The following PPIL1 variants were observed in gnomAD, a reference collection of about 807,000 sequenced individuals.
PPIL1 encodes the protein peptidyl-prolyl cis-trans isomerase-like 1.
In PPIL1, 14 loss-of-function variants were observed where a neutral mutation model predicts 19.4. The ratio of observed to expected loss-of-function variants is 0.72; its 90% confidence interval spans 0.48 to 1.13. PPIL1 has a LOEUF of 1.13. PPIL1 is among the 50% of genes most tolerant of loss of function. The pLI, the probability that PPIL1 is intolerant of heterozygous loss-of-function variation, is 0.00. For missense variants in PPIL1, 192 were observed against 218.0 expected, an observed-to-expected ratio of 0.88 and a Z score of 0.75; for synonymous variants, 72 against 73.6, an observed-to-expected ratio of 0.98 and a Z score of 0.11.
Position 36,855,442 on chromosome 6 carries a change from T to C in PPIL1, c.*371A>G, listed in dbSNP as rs995547757. ...TCAAGGACTGCTGTGTAGGCCAGAA[T>C]ATAAATCTCCTTAGGAAGAAGTTTG... On this transcript the variant is annotated 3_prime_UTR_variant, in exon 4 of 4. Transcript: ENST00000373699. 1.4e-5 allele frequency: 4 copies of C among 295,314 alleles called. No individual in the cohort carries two copies. Among genetic ancestry groups the C allele is most frequent in the African/African-American group, 2.2e-5 (1 of 46,300 alleles). 18.3% of individuals were successfully genotyped at this position (295,314 alleles called of 1,614,324 possible). A position where few individuals can be genotyped will look rare whatever the true frequency, so the allele number is the denominator to read the frequency against.
At chr6:36,872,839 G>C (rs1181707696) in intron 1 of PPIL1, among the ~76,000 whole-genome samples, 1 of 152,026 alleles carries the variant, frequency 6.6e-6, no homozygotes, top group African/African-American at 2.4e-5. Flanking sequence ...TGAACTCCTG[G>C]GCTCAAGCAA....
rs1188109475 is a variant in PPIL1, at chr6:36,874,788, G to T, written c.-16C>A. On this transcript the variant is annotated 5_prime_UTR_variant, in exon 1 of 4. Transcript: ENST00000373699. ...TTGCCGCCATAGCGAAGCCGGCGGC[G>T]GAATGCTTGTCTAGTAATTGCTACT... The T allele has an allele frequency of 2.1e-5, 34 of 1,613,804 alleles. No individual in the cohort carries two copies. The highest frequency in any genetic ancestry group is 2.9e-5 in the Non-Finnish European group (34 of 1,179,830).
chr6:36,855,630 G>A lies in PPIL1; in HGVS notation c.*183C>T, dbSNP rs922389297. The A allele has an allele frequency of 1.7e-5, 11 of 628,620 alleles. No homozygotes were observed. Among genetic ancestry groups the A allele is most frequent in the Non-Finnish European group, 3.0e-5 (11 of 362,436 alleles). The allele number at this position is 628,620 out of a possible 1,614,324, so 38.9% of individuals were successfully genotyped here. On this transcript the variant is annotated 3_prime_UTR_variant, in exon 4 of 4. Coordinates refer to ENST00000373699, the MANE Select transcript of PPIL1 (RefSeq NM_016059.5). ...ATGCTCTGGCAACCTAGGCACTGGG[G>A]GAAGAGAAAAGAAGCATCCTATTAA...
chr6:36,856,524 G>T, intron 3 of PPIL1, 62 bp downstream of exon 3: 1 of 1,473,740 alleles, frequency 6.8e-7, no homozygotes, highest in Non-Finnish European at 9.5e-7. Context: ...TTGAATCATG[G>T]CCAAAAGAGT....
intron 1 of PPIL1, 97 bp downstream of exon 1, chr6:36,874,620 G>C: frequency 1.3e-6 from 2 of 1,500,206 alleles, no homozygotes; most frequent in African/African-American, 1.4e-5. Flanking sequence ...CCACGTGGAG[G>C]CCGGCCTCCC....
chr6:36,873,867 G>T (rs1029864679), intron 1 of PPIL1, among the ~76,000 whole-genome samples: 2 of 152,196 alleles, frequency 1.3e-5, no homozygotes. Flanking sequence ...AAATCACCTT[G>T]AATGTCAGGA....
chr6:36,874,208 G>A (rs1273200293), intron 1 of PPIL1, among the ~76,000 whole-genome samples: 3 of 152,196 alleles, frequency 2.0e-5, no homozygotes, highest in Non-Finnish European at 2.9e-5. Context: ...GACATACAGC[G>A]GGGCATGGCG....
chr6:36,861,980 G>C, intron 2 of PPIL1, among the ~76,000 whole-genome samples: 1 of 152,134 alleles, frequency 6.6e-6, no homozygotes, highest in East Asian at 1.9e-4. Context: ...ACAGGTGTGA[G>C]CCACTGTGCC....
At chr6:36,874,651 C>G (rs2303993) in intron 1 of PPIL1, 66 bp downstream of exon 1, 855,359 of 1,579,856 alleles carry the variant, frequency 0.54, 234,097 homozygotes, top group East Asian at 0.65. Flanking sequence ...GCCAGGAACG[C>G]AGACCCGTGG....
chr6:36,874,601 CA>C, intron 1 of PPIL1, 115 bp downstream of exon 1: 1 of 1,383,224 alleles, frequency 7.2e-7, no homozygotes, highest in South Asian at 1.2e-5. Flanking sequence ...GCCGCTGCTC[CA>C]CGCCCCTCCA....
At chr6:36,867,014 T>A (rs1029840591) in intron 2 of PPIL1, among the ~76,000 whole-genome samples, 2 of 152,120 alleles carry the variant, frequency 1.3e-5, no homozygotes, top group Non-Finnish European at 2.9e-5. Context: ...AGCATGCAGT[T>A]TATATAGCAT....
intron 2 of PPIL1, among the ~76,000 whole-genome samples, chr6:36,867,735 T>C (rs13200132): frequency 0.039 from 5,930 of 152,258 alleles, 155 homozygotes; most frequent in Non-Finnish European, 0.061. Flanking sequence ...TCTGGGAAGA[T>C]AGAACAGAGG....
intron 2 of PPIL1, among the ~76,000 whole-genome samples, chr6:36,857,297 A>G (rs1774187514): frequency 6.6e-6 from 1 of 152,214 alleles, no homozygotes; most frequent in Admixed American, 6.5e-5. Flanking sequence ...GTAAGTGGCA[A>G]TGTGGCAGAA....
intron 2 of PPIL1, among the ~76,000 whole-genome samples, chr6:36,859,424 C>CAAAAAA (rs36097489): frequency 1.4e-5 from 1 of 73,208 alleles, no homozygotes; most frequent in Non-Finnish European, 2.5e-5. Context: ...GACCCTGTCT[C>CAAAAAA]AAAAAAAAAA....
intron 2 of PPIL1, among the ~76,000 whole-genome samples, chr6:36,862,181 C>G (rs1583110655): frequency 6.6e-6 from 1 of 151,858 alleles, no homozygotes; most frequent in African/African-American, 2.4e-5. Flanking sequence ...CCCTCCCACC[C>G]CACAGTTGAT....
chr6:36,855,867 G>C lies in PPIL1; in HGVS notation c.447C>G (p.Ser149=), dbSNP rs746502761. 2.5e-6 allele frequency: 4 copies of C among 1,614,116 alleles called. No homozygotes were observed. The highest frequency in any genetic ancestry group is 1.6e-4 in the Middle Eastern group (1 of 6,062). Residue 149 remains serine, a synonymous_variant, in exon 4 of 4, where the codon TCC becomes TCG. Transcript: ENST00000373699. ...VNRVGMVETN[S]QDRPVDDVKI... is the part of the protein sequence containing the mutation. ...TCACGTCGTCCACAGGGCGGTCCTG[G>C]GAGTTTGTTTCTACCATTCCCACGC...
chr6:36,856,632 A>G lies in PPIL1; in HGVS notation c.234T>C (p.Tyr78=). 1 of 1,614,228 alleles carries G rather than the reference A, an allele frequency of 6.2e-7. No individual in the cohort carries two copies. The highest frequency in any genetic ancestry group is 2.2e-5 in the East Asian group (1 of 44,890). ...GAAGTTCATCTTCAAACTGTTTGCC[A>G]TAGATAGATGCACCACCTCGACCTG... ...TGTGRGGASI[Y]GKQFEDELHP... The change falls in exon 3 of 4, where the codon TAT becomes TAC. Residue 78 remains tyrosine, a synonymous_variant. Transcript: ENST00000373699.
chr6:36,864,382 G>GCCC (rs1774354368), intron 2 of PPIL1, among the ~76,000 whole-genome samples: 1 of 152,072 alleles, frequency 6.6e-6, no homozygotes, highest in South Asian at 2.1e-4. Context: ...AGCTACACTG[G>GCCC]CCCCTGTGCT....
At position 36,873,813 on chromosome 6, in the gene PPIL1, GC is replaced by G. The variant is rs770069475; in HGVS notation, c.56+903del. Among the ~76,000 whole-genome samples the G allele has an allele frequency of 6.4e-4, 97 of 152,282 alleles. 1 individual carries two copies. Among genetic ancestry groups the G allele is most frequent in the Non-Finnish European group, 1.3e-3 (86 of 68,016 alleles). ...GGCAGAGGACCTTGGCTGGTCCCTG[GC>G]TGTTGAGGGGAGAATGGCAGGTAGA... On this transcript the variant is annotated intron_variant, in intron 1 of 3. Coordinates refer to ENST00000373699, the MANE Select transcript of PPIL1 (RefSeq NM_016059.5).
Sources: allele counts gnomAD v4.1 joint callset (sites outside exome capture counted in the v4.1 genomes callset), GRCh38; gene constraint gnomAD v4.1.1; transcripts MANE v1.5; gene names NCBI Gene and HGNC (gene_info 2026-07-23, HGNC 2026-07-21).